HEG1: variants seen among roughly 807,000 people sequenced by gnomAD.
HEG1 encodes the protein protein HEG homolog 1.
Under a neutral mutation model 125.6 loss-of-function variants are expected in HEG1, and 56 were observed. The ratio of observed to expected loss-of-function variants is 0.45; its 90% confidence interval spans 0.36 to 0.56. The LOEUF is 0.56. Ranked by LOEUF, HEG1 falls within the 20% of genes least tolerant of loss-of-function variation. HEG1 has a pLI of 0.00. For missense variants in HEG1, 1,523 were observed against 1,670.0 expected (o/e 0.91, Z 1.53); for synonymous variants, 644 against 668.5 (o/e 0.96, Z 0.57).
intron 3 of HEG1, among the ~76,000 whole-genome samples, chr3:125,022,887 A>G (rs1486679954): frequency 6.6e-6 from 1 of 152,086 alleles, no homozygotes; most frequent in Non-Finnish European, 1.5e-5. Context: ...CATCCATTCA[A>G]CATTCCCATC....
intron 14 of HEG1, among the ~76,000 whole-genome samples, chr3:124,981,172 G>A (rs889336519): frequency 6.6e-5 from 10 of 150,496 alleles, no homozygotes; most frequent in African/African-American, 1.2e-4. Context: ...AAATAAAGTC[G>A]CATGTGCTCC....
intron 1 of HEG1, among the ~76,000 whole-genome samples, chr3:125,052,864 G>A (rs533111179): frequency 3.3e-5 from 5 of 152,156 alleles, no homozygotes; most frequent in African/African-American, 7.2e-5. Context: ...ATGCAAACGC[G>A]GTTACTCAGC....
chr3:125,012,638 A>G lies in HEG1; in HGVS notation c.2941T>C (p.Ser981Pro), dbSNP rs748469025. 1.8e-5 allele frequency: 29 copies of G among 1,613,232 alleles called. No homozygotes were observed. Among genetic ancestry groups the G allele is most frequent in the Non-Finnish European group, 2.5e-5 (29 of 1,179,674 alleles). ...TGTGTTTTACCTGAGGCTGAAGAGG[A>G]CACTGTTGTTGGTGACTGTGTGCTG... ...QSSTQSPTTV[S>P]SSASVNSCAV... Residue 981 changes from serine to proline, a missense_variant, in exon 6 of 17, where the codon TCC becomes CCC. Physicochemically the swap from Ser to Pro is moderately conservative, Grantham distance 74. Coordinates refer to ENST00000311127, the MANE Select transcript of HEG1 (RefSeq NM_020733.2).
rs765727595 is a variant in HEG1 at position 125,019,303 on chromosome 3, G to A, written c.1547C>T (p.Ser516Leu). The change falls in exon 5 of 17, where the codon TCG (serine) becomes TTG (leucine). Residue 516 changes from serine to leucine, a missense_variant. Physicochemically the swap from Ser to Leu is moderately radical, Grantham distance 145 (BLOSUM62 -2). Transcript: ENST00000311127. Reference sequence around the variant, plus strand: ...TGGTGCTGATGAATTCAAGCTTTCCGAGGAAGATGTAGATGAAGACTCTGA... The same window carrying A: ...TGGTGCTGATGAATTCAAGCTTTCCAAGGAAGATGTAGATGAAGACTCTGA... The part of the protein sequence containing the change: ...SYSESSSTSS[S>L]ESLNSSAPRG... The A allele has an allele frequency of 6.7e-5, 108 of 1,612,696 alleles. No homozygotes were observed. The highest frequency in any genetic ancestry group is 5.6e-5 in the Non-Finnish European group (66 of 1,178,870).
At chr3:125,004,760 A>T (rs905415951) in intron 9 of HEG1, among the ~76,000 whole-genome samples, 1 of 152,194 alleles carries the variant, frequency 6.6e-6, no homozygotes, top group Non-Finnish European at 1.5e-5. Flanking sequence ...AGAGGGAAAG[A>T]AGCAGAATCA....
At chr3:124,983,532 G>A (rs1936688592) in intron 14 of HEG1, among the ~76,000 whole-genome samples, 2 of 147,978 alleles carry the variant, frequency 1.4e-5, no homozygotes, top group South Asian at 2.2e-4. Context: ...ATGAGGTCTC[G>A]CTATGTTGCC....
intron 9 of HEG1, 80 bp downstream of exon 9, chr3:125,005,185 C>T (rs561719572): frequency 1.4e-5 from 11 of 814,090 alleles, no homozygotes; most frequent in East Asian, 2.7e-5. Context: ...CACAGCTGAC[C>T]GCTAGGCAGT....
chr3:125,035,058 G>A (rs1937537915), intron 1 of HEG1, among the ~76,000 whole-genome samples: 1 of 152,110 alleles, frequency 6.6e-6, no homozygotes, highest in Admixed American at 6.5e-5. Flanking sequence ...TCCACATCCT[G>A]GGTTCAAGCA....
In HEG1 at chr3:125,019,415, C is replaced by A. The variant is rs1387766751; in HGVS notation, c.1435G>T (p.Gly479Cys). 3 of 1,614,014 alleles carry A rather than the reference C, an allele frequency of 1.9e-6. No individual in the cohort carries two copies. Among genetic ancestry groups the A allele is most frequent in the Non-Finnish European group, 2.5e-6 (3 of 1,179,886 alleles). Residue 479 changes from glycine to cysteine, a missense_variant, in exon 5 of 17, where the codon GGT (glycine) becomes TGT (cysteine). Transcript: ENST00000311127. ...VTGSSASYPE[G>C]VNASVLTQFS... ...TGGGTCAACACTGAAGCATTCACAC[C>A]TTCAGGATATGAAGCAGAGCTTCCT...
At chr3:125,047,382 C>A (rs147430945) in intron 1 of HEG1, among the ~76,000 whole-genome samples, 8 of 152,346 alleles carry the variant, frequency 5.3e-5, no homozygotes, top group Admixed American at 3.9e-4. Context: ...CTCCATTCTG[C>A]GCAGGGCTCT....
intron 11 of HEG1, among the ~76,000 whole-genome samples, chr3:124,999,454 C>G (rs1936969635): frequency 6.6e-6 from 1 of 152,228 alleles, no homozygotes; most frequent in Non-Finnish European, 1.5e-5. Context: ...AGAAACCTGT[C>G]CAGGCTGACA....
rs192967472 is a variant in HEG1, at chr3:125,014,074, C to T, written c.1589-84G>A. 124 of 1,235,926 alleles carry T rather than the reference C, an allele frequency of 1.0e-4. No homozygotes were observed. In the African/African-American group the frequency reaches 1.7e-3, roughly 17 times the overall value. 76.6% of individuals were successfully genotyped at this position (1,235,926 alleles called of 1,614,324 possible). ...GCACTATCAAACAGACTTTCAGTGT[C>T]ATGAAACTCAATGAATTCAAGTGGG... On this transcript the variant is annotated intron_variant, in intron 5 of 16. Transcript: ENST00000311127.
intron 12 of HEG1, among the ~76,000 whole-genome samples, chr3:124,992,527 C>T (rs60260871): frequency 0.24 from 36,081 of 150,304 alleles, 4,392 homozygotes; most frequent in East Asian, 0.36. Flanking sequence ...AGCTGCAATA[C>T]TTGATGGGAT....
chr3:125,055,727 T>G lies in HEG1; in HGVS notation c.164A>C (p.Gln55Pro). Residue 55 changes from glutamine to proline, a missense_variant, in exon 1 of 17, where the codon CAG becomes CCG. Gln to Pro is a moderately conservative substitution (Grantham distance 76). Coordinates refer to ENST00000311127, the MANE Select transcript of HEG1 (RefSeq NM_020733.2). ...APLAGAGLEL[Q>P]LERRPEREPP... ...CTCGCGCTCCGGGCGGCGCTCCAGC[T>G]GCAGCTCCAGCCCCGCTCCCGCGAG... 3 of 1,047,420 alleles carry G rather than the reference T, an allele frequency of 2.9e-6. No individual in the cohort carries two copies. The highest frequency in any genetic ancestry group is 3.4e-6 in the Non-Finnish European group (3 of 872,404). The allele number at this position is 1,047,420 out of a possible 1,614,324, so 64.9% of individuals were successfully genotyped here.
At chr3:124,974,789 C>T (rs1431409471) in intron 15 of HEG1, among the ~76,000 whole-genome samples, 1 of 152,206 alleles carries the variant, frequency 6.6e-6, no homozygotes, top group Non-Finnish European at 1.5e-5. Context: ...CAAAAAGTGA[C>T]TCAGGGTCAT....
intron 1 of HEG1, among the ~76,000 whole-genome samples, chr3:125,054,491 C>T (rs961607131): frequency 6.6e-6 from 1 of 152,170 alleles, no homozygotes; most frequent in African/African-American, 2.4e-5. Context: ...AATTCACGTG[C>T]CAGAAAGTCT....
chr3:124,984,753 C>G (rs72978592), intron 14 of HEG1, among the ~76,000 whole-genome samples: 13,279 of 151,832 alleles, frequency 0.087, 846 homozygotes, highest in African/African-American at 0.17. Context: ...GAGTGAAACT[C>G]CGTCTCAAAA....
chr3:125,016,259 A>C (rs1232002585), intron 5 of HEG1, among the ~76,000 whole-genome samples: 1 of 152,200 alleles, frequency 6.6e-6, no homozygotes, highest in Non-Finnish European at 1.5e-5. Flanking sequence ...AAGAACTCTA[A>C]AAGGCCGGAG....
In HEG1 at chr3:125,055,935, A is replaced by AGGGCAGGGGGCAGC. The variant is rs1553781572; in HGVS notation, c.-46_-45insGCTGCCCCCTGCCC. On this transcript the variant is annotated 5_prime_UTR_variant, in exon 1 of 17. Transcript: ENST00000311127. ...GCTCACATGCCCGGCGCGCGGGGCG[A>AGGGCAGGGGGCAGC]GGGCAGCGGGCAGCGGGCAGCGGGC... is the stretch of plus-strand genomic sequence containing the variant. 3 of 799,514 alleles carry AGGGCAGGGGGCAGC rather than the reference A, an allele frequency of 3.8e-6. No individual in the cohort carries two copies. The African/African-American group carries it at 5.7e-5, about 15-fold the overall frequency. The allele number at this position is 799,514 out of a possible 1,614,324, so 49.5% of individuals were successfully genotyped here. A position where few individuals can be genotyped will look rare whatever the true frequency, so the allele number is the denominator to read the frequency against.
Sources: allele counts gnomAD v4.1 joint callset (sites outside exome capture counted in the v4.1 genomes callset), GRCh38; gene constraint gnomAD v4.1.1; transcripts MANE v1.5; gene names NCBI Gene and HGNC (gene_info 2026-07-23, HGNC 2026-07-21).